RDX: variants seen among roughly 807,000 people sequenced by gnomAD.
RDX encodes radixin, also known as deafness, autosomal recessive 24.
In RDX, 32 loss-of-function variants were observed where a neutral mutation model predicts 83.7. The ratio of observed to expected loss-of-function variants is 0.38; its 90% CI spans 0.29 to 0.51. The LOEUF (loss-of-function observed/expected upper bound fraction) is 0.51. RDX is among the 20% of genes least tolerant of loss of function. The pLI, the probability that RDX is intolerant of heterozygous loss-of-function variation, is 0.87. For missense variants in RDX, 600 were observed against 689.9 expected, an observed-to-expected ratio of 0.87 and a Z score of 1.46; for synonymous variants, 229 against 222.7, an observed-to-expected ratio of 1.03 and a Z score of -0.25.
At chr11:110,289,639 G>A (rs1027581851) in intron 1 of RDX, among the ~76,000 whole-genome samples, 3 of 152,046 alleles carry the variant, frequency 2.0e-5, no homozygotes, top group African/African-American at 7.2e-5. Flanking sequence ...TATGTTGACT[G>A]GGGGCGGTGG....
chr11:110,249,354 G>A lies in RDX; in HGVS notation c.960-1521C>T, dbSNP rs377657057. On this transcript the variant is annotated intron_variant, in intron 9 of 13. Transcript: ENST00000645495. Reference sequence around the variant, plus strand: ...AGTCTCTGATAAACTTATCAGAAAAGTTTTGCTATCAAAAATTTCGCCCTT... The same window carrying A: ...AGTCTCTGATAAACTTATCAGAAAAATTTTGCTATCAAAAATTTCGCCCTT... Among the ~76,000 whole-genome samples, 8 of 152,222 alleles carry A rather than the reference G, an allele frequency of 5.3e-5. No individual in the cohort carries two copies. In the East Asian group the frequency reaches 1.4e-3, roughly 26 times the overall value.
intron 1 of RDX, among the ~76,000 whole-genome samples, chr11:110,295,325 A>AG (rs998973098): frequency 1.6e-4 from 24 of 151,434 alleles, no homozygotes; most frequent in Non-Finnish European, 2.5e-4. Context: ...AAAAAAAAAA[A>AG]AAGAAGTATG....
exon 16 of RDX, chr11:110,175,221 C>A (rs1478583887): frequency 6.6e-6 from 1 of 152,252 alleles, no homozygotes; most frequent in Admixed American, 6.5e-5. Flanking sequence ...TCCACTCTAG[C>A]ATTCTTTGTA....
At chr11:110,199,000 A>G (rs774740835) in intron 15 of RDX, among the ~76,000 whole-genome samples, 11 of 152,046 alleles carry the variant, frequency 7.2e-5, no homozygotes, top group Non-Finnish European at 1.6e-4. Flanking sequence ...TTTTTAGTAG[A>G]GACGGGGTTT....
At chr11:110,287,207 T>C (rs1244618098) in intron 1 of RDX, 1 of 151,950 alleles carries the variant, frequency 6.6e-6, no homozygotes, top group Non-Finnish European at 1.5e-5. Context: ...GTCTGGGCAA[T>C]CTACAAAAAA....
chr11:110,224,449 G>C (rs1203708045), downstream of RDX, among the ~76,000 whole-genome samples: 1 of 152,094 alleles, frequency 6.6e-6, no homozygotes, highest in Admixed American at 6.5e-5. Flanking sequence ...GAATGGAAGT[G>C]TCCATAATCT....
intron 1 of RDX, among the ~76,000 whole-genome samples, chr11:110,289,956 CAAAAAAAAA>C (rs58146009): frequency 2.3e-4 from 8 of 35,486 alleles, no homozygotes; most frequent in East Asian, 8.3e-4. Flanking sequence ...GAGACTGTCT[CAAAAAAAAA>C]AAAAAAAAAA....
intron 5 of RDX, 57 bp from the exon 6 acceptor site, chr11:110,258,246 A>G: frequency 1.7e-6 from 2 of 1,145,656 alleles, no homozygotes; most frequent in Admixed American, 2.2e-5. Flanking sequence ...AAAAGCATAC[A>G]CTTTAAAAGT....
chr11:110,220,586 C>T (rs1864209161), intron 14 of RDX, among the ~76,000 whole-genome samples: 2 of 152,160 alleles, frequency 1.3e-5, no homozygotes, highest in African/African-American at 2.4e-5. Context: ...GCAACCTCCA[C>T]CTCCTGGGTT....
At chr11:110,220,164 G>C (rs1321560745) in intron 14 of RDX, among the ~76,000 whole-genome samples, 2 of 152,056 alleles carry the variant, frequency 1.3e-5, no homozygotes, top group African/African-American at 4.8e-5. Flanking sequence ...ATCATAACTA[G>C]AATCCTTAAA....
At chr11:110,204,902 G>C (rs957941823) in intron 14 of RDX, among the ~76,000 whole-genome samples, 1 of 152,108 alleles carries the variant, frequency 6.6e-6, no homozygotes, top group Non-Finnish European at 1.5e-5. Flanking sequence ...CAGGTTACAC[G>C]AATTTATGCA....
chr11:110,267,297 G>A (rs1057068164), intron 3 of RDX, among the ~76,000 whole-genome samples: 1 of 152,072 alleles, frequency 6.6e-6, no homozygotes, highest in Admixed American at 6.5e-5. Flanking sequence ...TAGATCACTT[G>A]AGGCTAAGAG....
intron 15 of RDX, among the ~76,000 whole-genome samples, chr11:110,188,296 AAATAATAATAAT>A (rs34384486): frequency 0.41 from 58,404 of 142,356 alleles, 12,271 homozygotes; most frequent in East Asian, 0.54. Flanking sequence ...CTCTGTCTCA[AAATAATAATAAT>A]AATAATAATA....
intron 8 of RDX, among the ~76,000 whole-genome samples, chr11:110,254,617 A>T (rs979664945): frequency 2.6e-5 from 4 of 151,998 alleles, no homozygotes; most frequent in Non-Finnish European, 5.9e-5. Context: ...CTGGGATTAC[A>T]GGCATGCACC....
exon 15 of RDX, chr11:110,199,639 A>G: frequency 1.4e-6 from 1 of 703,076 alleles, no homozygotes; most frequent in East Asian, 2.7e-5. Context: ...TGCTTTGGCA[A>G]GAGCGCATCT....
At chr11:110,193,715 C>T (rs757372969) in intron 15 of RDX, among the ~76,000 whole-genome samples, 2 of 152,144 alleles carry the variant, frequency 1.3e-5, no homozygotes, top group African/African-American at 2.4e-5. Context: ...GCAGAGGAAT[C>T]GGAGGCCCTG....
chr11:110,242,547 G>T (rs1167189779), intron 10 of RDX, among the ~76,000 whole-genome samples: 1 of 150,368 alleles, frequency 6.7e-6, no homozygotes, highest in Non-Finnish European at 1.5e-5. Context: ...AGAGAAATAA[G>T]TCTGGGTTAC....
intron 1 of RDX, among the ~76,000 whole-genome samples, chr11:110,281,863 T>G (rs745850304): frequency 1.3e-5 from 2 of 150,016 alleles, no homozygotes; most frequent in Non-Finnish European, 3.0e-5. Context: ...TTCCAGCAAT[T>G]TGAGAAGTGG....
At chr11:110,193,894 T>C (rs1280144644) in intron 15 of RDX, among the ~76,000 whole-genome samples, 1 of 152,250 alleles carries the variant, frequency 6.6e-6, no homozygotes, top group Non-Finnish European at 1.5e-5. Context: ...TCTTACTGCA[T>C]TATAAACCGA....
Sources: allele counts gnomAD v4.1 joint callset (sites outside exome capture counted in the v4.1 genomes callset), GRCh38; gene constraint gnomAD v4.1.1; transcripts MANE v1.5; gene names NCBI Gene and HGNC (gene_info 2026-07-23, HGNC 2026-07-21).